PGM1: variants seen among roughly 807,000 people sequenced by gnomAD.
The protein encoded by PGM1 is phosphoglucomutase-1.
In PGM1, 52 loss-of-function variants were observed where a neutral mutation model predicts 55.6. That is an observed-to-expected ratio of 0.94 (90% CI 0.75 to 1.18). PGM1 has a LOEUF of 1.18. Ranked by LOEUF, PGM1 falls within the 50% of genes most tolerant of loss-of-function variation. PGM1 has a pLI of 0.00. For synonymous variants in PGM1, 287 were observed against 271.7 expected (o/e 1.06, Z -0.55); for missense variants, 724 against 729.3 (o/e 0.99, Z 0.08).
intron 7 of PGM1, 27 bp from the exon 8 acceptor site, chr1:63,648,490 T>C: frequency 6.2e-7 from 1 of 1,613,852 alleles, no homozygotes; most frequent in Non-Finnish European, 8.5e-7. Context: ...GCACGTTTCT[T>C]ACAGCAGCTT....
intron 1 of PGM1, among the ~76,000 whole-genome samples, chr1:63,600,656 A>G (rs578141845): frequency 6.6e-6 from 1 of 152,332 alleles, no homozygotes; most frequent in Non-Finnish European, 1.5e-5. Context: ...GATGTCTGAT[A>G]AACCTCATGA....
intron 7 of PGM1, 42 bp from the exon 8 acceptor site, chr1:63,648,475 A>G (rs1339711868): frequency 3.1e-6 from 5 of 1,613,156 alleles, no homozygotes; most frequent in Non-Finnish European, 4.2e-6. Context: ...AGGTACTGGG[A>G]GAAAGCACGT....
At chr1:63,641,082 G>T (rs1322271093) in intron 7 of PGM1, among the ~76,000 whole-genome samples, 1 of 152,186 alleles carries the variant, frequency 6.6e-6, no homozygotes, top group Non-Finnish European at 1.5e-5. Context: ...TTTGCCAAGG[G>T]AAGTCTCTCA....
At chr1:63,650,506 T>A (rs1229469063) in intron 8 of PGM1, among the ~76,000 whole-genome samples, 1 of 152,202 alleles carries the variant, frequency 6.6e-6, no homozygotes, top group East Asian at 1.9e-4. Flanking sequence ...AGGGGACTGT[T>A]TGGCCCTTGA....
chr1:63,614,976 A>G (rs905804406), intron 1 of PGM1, among the ~76,000 whole-genome samples: 1 of 152,218 alleles, frequency 6.6e-6, no homozygotes, highest in Admixed American at 6.5e-5. Context: ...ATATACCACT[A>G]GAAGGTTCGA....
chr1:63,610,285 C>G (rs1648531199), intron 1 of PGM1, among the ~76,000 whole-genome samples: 1 of 152,040 alleles, frequency 6.6e-6, no homozygotes, highest in South Asian at 2.1e-4. Flanking sequence ...TTCCACTGGA[C>G]TAATGTAAGC....
intron 7 of PGM1, among the ~76,000 whole-genome samples, 159 bp downstream of exon 7, chr1:63,638,959 GA>G (rs137891362): frequency 0.061 from 9,295 of 152,162 alleles, 609 homozygotes; most frequent in African/African-American, 0.15. Context: ...GTGCACATTT[GA>G]AAAGGGGTGA....
chr1:63,659,515 G>C (rs778888860), intron 10 of PGM1, 71 bp from the exon 11 acceptor site: 2 of 1,249,412 alleles, frequency 1.6e-6, no homozygotes, highest in African/African-American at 2.9e-5. Flanking sequence ...GCAGTCAGAC[G>C]TACGGGTTTG....
rs531266129 is a variant in PGM1 at position 63,618,253 on chromosome 1, T to C, written c.247-11172T>C. Among the ~76,000 whole-genome samples, 117 of 152,310 alleles carry C rather than the reference T, an allele frequency of 7.7e-4. 1 individual carries two copies. The highest frequency in any genetic ancestry group is 2.8e-3 in the African/African-American group (116 of 41,574). ...CCTGTCACTTTGGCTTTAGAGGCCATTCCCTCAAGTACTATAGTATACTGT... is the reference window on the plus strand; with the variant it reads ...CCTGTCACTTTGGCTTTAGAGGCCACTCCCTCAAGTACTATAGTATACTGT... On this transcript the variant is annotated intron_variant, in intron 1 of 10. Transcript: ENST00000371084.
chr1:63,651,907 C>T (rs1649821492), intron 9 of PGM1, 55 bp downstream of exon 9: 1 of 1,468,072 alleles, frequency 6.8e-7, no homozygotes, highest in Non-Finnish European at 9.5e-7. Context: ...TCATCTCTGA[C>T]ATCTCAAGGG....
chr1:63,659,441 G>A (rs1454901152), intron 10 of PGM1, 145 bp from the exon 11 acceptor site: 2 of 715,984 alleles, frequency 2.8e-6, no homozygotes, highest in Non-Finnish European at 5.1e-6. Context: ...AGGTATTGGG[G>A]GAAATAACAT....
chr1:63,629,168 G>A (rs1174439417), intron 1 of PGM1, among the ~76,000 whole-genome samples: 1 of 152,116 alleles, frequency 6.6e-6, no homozygotes, highest in Non-Finnish European at 1.5e-5. Flanking sequence ...GCCTTACAGT[G>A]CACACAGACC....
At chr1:63,627,559 C>T (rs987777142) in intron 1 of PGM1, among the ~76,000 whole-genome samples, 1 of 152,060 alleles carries the variant, frequency 6.6e-6, no homozygotes, top group African/African-American at 2.4e-5. Context: ...CCAGATGTAC[C>T]TCTTCTTGGG....
chr1:63,631,602 A>G, intron 3 of PGM1, 55 bp from the exon 4 acceptor site: 1 of 1,557,764 alleles, frequency 6.4e-7, no homozygotes, highest in Non-Finnish European at 8.9e-7. Flanking sequence ...ATCAGAATAT[A>G]ATATTTCTAA....
At chr1:63,650,298 T>C (rs72922614) in intron 8 of PGM1, among the ~76,000 whole-genome samples, 2,923 of 152,266 alleles carry the variant, frequency 0.019, 82 homozygotes, top group African/African-American at 0.067. Flanking sequence ...ACACAATTAA[T>C]AGCCAATAGA....
chr1:63,639,517 T>C (rs2100991382), intron 7 of PGM1, among the ~76,000 whole-genome samples: 1 of 152,154 alleles, frequency 6.6e-6, no homozygotes, highest in East Asian at 2.0e-4. Context: ...TCATGCTGCC[T>C]GTATCAGTCT....
intron 1 of PGM1, among the ~76,000 whole-genome samples, chr1:63,609,811 A>G (rs1012852921): frequency 1.3e-5 from 2 of 152,188 alleles, no homozygotes; most frequent in East Asian, 3.9e-4. Flanking sequence ...TTTGTGTTCA[A>G]TGATTTTCCC....
intron 1 of PGM1, among the ~76,000 whole-genome samples, chr1:63,596,251 CTTCTT>C (rs1648065809): frequency 1.4e-5 from 2 of 138,962 alleles, no homozygotes; most frequent in Non-Finnish European, 3.1e-5. Context: ...CTTTTTTCTT[CTTCTT>C]TTTTTTTTTT....
At chr1:63,605,730 C>G (rs1648400671) in intron 1 of PGM1, among the ~76,000 whole-genome samples, 1 of 152,048 alleles carries the variant, frequency 6.6e-6, no homozygotes, top group Non-Finnish European at 1.5e-5. Flanking sequence ...CACCACTACA[C>G]CTGGCTAATT....
Sources: gnomAD v4.1 joint callset for allele counts (sites outside exome capture counted in the v4.1 genomes callset) on GRCh38, gnomAD v4.1.1 for gene constraint, MANE v1.5 for transcripts, NCBI Gene and HGNC (gene_info 2026-07-23, HGNC 2026-07-21) for gene names.